Variants in CENPP observed in about 807,000 individuals in gnomAD.
CENPP encodes the protein centromere protein P.
A neutral mutation model predicts 35.6 loss-of-function variants in CENPP; 24 were observed. The ratio of observed to expected loss-of-function variants is 0.67; its 90% CI spans 0.49 to 0.95. CENPP has a LOEUF of 0.95. CENPP is among the 40% of genes least tolerant of loss of function. The pLI, the probability that CENPP is intolerant of heterozygous loss-of-function variation, is 0.00. For missense variants in CENPP, 332 were observed against 345.3 expected, an observed-to-expected ratio of 0.96 and a Z score of 0.31; for synonymous variants, 120 against 125.5, an observed-to-expected ratio of 0.96 and a Z score of 0.29.
chr9:92,383,378 A>T (rs1842310988), intron 5 of CENPP, among the ~76,000 whole-genome samples: 2 of 152,242 alleles, frequency 1.3e-5, no homozygotes, highest in Admixed American at 6.5e-5. Flanking sequence ...TCTGCATATC[A>T]TATTGGATAG....
At chr9:92,558,171 A>G (rs1398106600) in intron 5 of CENPP, among the ~76,000 whole-genome samples, 1 of 152,000 alleles carries the variant, frequency 6.6e-6, no homozygotes, top group East Asian at 1.9e-4. Flanking sequence ...GTTTGGATCC[A>G]TTGCTGGTGA....
intron 4 of CENPP, among the ~76,000 whole-genome samples, chr9:92,369,146 G>T (rs1161111251): frequency 6.6e-6 from 1 of 152,212 alleles, no homozygotes; most frequent in South Asian, 2.1e-4. Flanking sequence ...CATTAAAAAT[G>T]TAGTTACAGT....
At chr9:92,597,115 T>G (rs927183294) in intron 5 of CENPP, among the ~76,000 whole-genome samples, 5 of 152,170 alleles carry the variant, frequency 3.3e-5, no homozygotes, top group African/African-American at 4.8e-5. Flanking sequence ...TAAGCTTAGG[T>G]TTTGGAATCT....
At chr9:92,431,202 G>T (rs1322862889) in intron 5 of CENPP, among the ~76,000 whole-genome samples, 1 of 152,158 alleles carries the variant, frequency 6.6e-6, no homozygotes, top group Non-Finnish European at 1.5e-5. Context: ...ATATGTTGCT[G>T]GCATTAATTG....
chr9:92,410,329 G>A (rs1172292119), intron 5 of CENPP, among the ~76,000 whole-genome samples: 1 of 152,114 alleles, frequency 6.6e-6, no homozygotes, highest in Non-Finnish European at 1.5e-5. Flanking sequence ...TCTCCTCCTT[G>A]GGCCCTGAGC....
chr9:92,384,471 ATGTGTAGTCTAATAC>A (rs1416504317), intron 5 of CENPP: 2 of 152,156 alleles, frequency 1.3e-5, no homozygotes, highest in African/African-American at 4.8e-5. Context: ...CTTCAATGTA[ATGTGTAGTCTAATAC>A]TTTTAGTGGG....
At chr9:92,570,982 A>G (rs1850122792) in intron 5 of CENPP, among the ~76,000 whole-genome samples, 1 of 151,916 alleles carries the variant, frequency 6.6e-6, no homozygotes, top group Non-Finnish European at 1.5e-5. Flanking sequence ...CTTCTTTATT[A>G]GTCTTGCTAG....
chr9:92,390,078 AAAC>A (rs1564292842), intron 5 of CENPP: 1 of 1,360,450 alleles, frequency 7.4e-7, no homozygotes, highest in Non-Finnish European at 1.0e-6. Flanking sequence ...AAAATATAAA[AAAC>A]AACTACGTAA....
intron 5 of CENPP, among the ~76,000 whole-genome samples, chr9:92,483,054 A>C (rs1055738611): frequency 1.3e-5 from 2 of 152,142 alleles, no homozygotes; most frequent in African/African-American, 4.8e-5. Context: ...CTTAGGATGC[A>C]TACAACTTTC....
chr9:92,527,424 C>A (rs193235926), intron 5 of CENPP, among the ~76,000 whole-genome samples: 138 of 152,278 alleles, frequency 9.1e-4, no homozygotes, highest in African/African-American at 3.0e-3. Context: ...ACCATATAGC[C>A]TAGGTGTATA....
intron 5 of CENPP, chr9:92,415,051 A>G: frequency 1.1e-6 from 1 of 888,482 alleles, no homozygotes; most frequent in Non-Finnish European, 1.6e-6. Context: ...ACTAATACAT[A>G]ATTCTAAATA....
At chr9:92,603,176 G>A (rs1484883226) in intron 5 of CENPP, among the ~76,000 whole-genome samples, 2 of 152,230 alleles carry the variant, frequency 1.3e-5, no homozygotes, top group African/African-American at 4.8e-5. Flanking sequence ...AGCTAAGTGG[G>A]CTGAGGTGGG....
intron 5 of CENPP, chr9:92,465,130 G>C (rs140658451): frequency 2.5e-6 from 2 of 805,364 alleles, no homozygotes; most frequent in South Asian, 3.2e-5. Flanking sequence ...CCCAAGAAGC[G>C]TGAGCTTCAT....
At chr9:92,532,015 G>GTTTTTTTTTTTGTTTTTTTTTTTT (rs1848801440) in intron 5 of CENPP, among the ~76,000 whole-genome samples, 1 of 95,734 alleles carries the variant, frequency 1.0e-5, no homozygotes, top group African/African-American at 5.9e-5. Context: ...TTTATTTAAT[G>GTTTTTTTTTTTGTTTTTTTTTTTT]TTTTTTTTTT....
rs1225650765 is a variant in CENPP at position 92,472,250 on chromosome 9, G to A, written c.564+92391G>A. ...CACGTGCCTGTAGTCCCAGCTACTC[G>A]GGAGGCTGAGTCAGGAGAATCGCTT... On this transcript the variant is annotated intron_variant, in intron 5 of 7. Coordinates refer to ENST00000375587, the MANE Select transcript of CENPP (RefSeq NM_001012267.3). Among the ~76,000 whole-genome samples the A allele has an allele frequency of 2.6e-5, 4 of 151,842 alleles. 1 individual carries two copies. The South Asian group carries it at 6.2e-4, about 24-fold the overall frequency.
chr9:92,514,958 C>T (rs1400209071), intron 5 of CENPP: 2 of 1,613,982 alleles, frequency 1.2e-6, no homozygotes, highest in Non-Finnish European at 8.5e-7. Flanking sequence ...CTGCTGTCCC[C>T]CTCACTGTAA....
At chr9:92,600,595 C>G in intron 5 of CENPP, 1 of 1,592,352 alleles carries the variant, frequency 6.3e-7, no homozygotes. Flanking sequence ...TCTGGGGCAT[C>G]AGTCACTACC....
At chr9:92,343,962 C>CA (rs35920973) in intron 3 of CENPP, among the ~76,000 whole-genome samples, 2,211 of 59,680 alleles carry the variant, frequency 0.037, 41 homozygotes, top group African/African-American at 0.049. Flanking sequence ...AACCCTGTCT[C>CA]AAAAAAAAAA....
intron 5 of CENPP, among the ~76,000 whole-genome samples, chr9:92,393,610 C>G (rs1183971291): frequency 3.3e-5 from 5 of 152,096 alleles, no homozygotes; most frequent in Non-Finnish European, 5.9e-5. Flanking sequence ...AGTAGCTAGA[C>G]TTTAGTAACC....
Sources: gnomAD v4.1 joint callset for allele counts (sites outside exome capture counted in the v4.1 genomes callset) on GRCh38, gnomAD v4.1.1 for gene constraint, MANE v1.5 for transcripts, NCBI Gene and HGNC (gene_info 2026-07-23, HGNC 2026-07-21) for gene names.